The following KCNIP4 variants were observed in gnomAD, a reference collection of about 807,000 sequenced individuals.
The protein encoded by KCNIP4 is Kv channel-interacting protein 4.
In KCNIP4, 12 loss-of-function variants were observed where a neutral mutation model predicts 34.0. The observed-to-expected ratio is 0.35, with a 90% confidence interval of 0.23 to 0.57. KCNIP4 has a LOEUF of 0.57. Among genes scored for constraint, KCNIP4 ranks in the 20% least tolerant of loss-of-function variants. KCNIP4 has a pLI of 0.83. For synonymous variants in KCNIP4, 124 were observed against 102.2 expected (o/e 1.21, Z -1.29); for missense variants, 238 against 311.7 (o/e 0.76, Z 1.78).
At chr4:20,782,090 A>T (rs111804460) in intron 3 of KCNIP4, among the ~76,000 whole-genome samples, 2,302 of 152,286 alleles carry the variant, frequency 0.015, 25 homozygotes, top group Non-Finnish European at 0.021. Flanking sequence ...CTCCAAAATG[A>T]TGTCCTTTTA....
intron 1 of KCNIP4, among the ~76,000 whole-genome samples, chr4:21,684,548 G>T (rs1318997730): frequency 6.6e-6 from 1 of 151,972 alleles, no homozygotes; most frequent in Non-Finnish European, 1.5e-5. Context: ...GTTAATATTG[G>T]CTTGTGAAGT....
At chr4:21,326,590 A>G (rs1715087601) in intron 1 of KCNIP4, among the ~76,000 whole-genome samples, 1 of 150,800 alleles carries the variant, frequency 6.6e-6, no homozygotes, top group African/African-American at 2.4e-5. Context: ...TTTTTAATTC[A>G]GTCGTCTACT....
chr4:21,082,260 T>C (rs1419071941), intron 1 of KCNIP4, among the ~76,000 whole-genome samples: 1 of 151,920 alleles, frequency 6.6e-6, no homozygotes, highest in Non-Finnish European at 1.5e-5. Flanking sequence ...CCACTAAGCA[T>C]ATACAACTCC....
intron 2 of KCNIP4, among the ~76,000 whole-genome samples, chr4:20,882,384 G>T (rs534445553): frequency 6.6e-6 from 1 of 152,080 alleles, no homozygotes; most frequent in Admixed American, 6.6e-5. Flanking sequence ...CCAGTGTTTT[G>T]CAGGACAGGC....
At chr4:21,564,807 A>C (rs908411206) in intron 1 of KCNIP4, among the ~76,000 whole-genome samples, 2 of 151,948 alleles carry the variant, frequency 1.3e-5, no homozygotes, top group African/African-American at 4.8e-5. Flanking sequence ...GAGGTGACGC[A>C]GTGAGAGAGG....
intron 1 of KCNIP4, among the ~76,000 whole-genome samples, chr4:21,734,936 G>C (rs142425679): frequency 1.3e-5 from 2 of 151,798 alleles, no homozygotes; most frequent in African/African-American, 4.8e-5. Flanking sequence ...GAATGACTTC[G>C]CTCCTATAAA....
At chr4:21,806,575 C>T (rs531567661) in intron 1 of KCNIP4, among the ~76,000 whole-genome samples, 9 of 152,144 alleles carry the variant, frequency 5.9e-5, no homozygotes, top group Non-Finnish European at 1.2e-4. Flanking sequence ...TGTAGACTAC[C>T]TGTCACATTT....
Position 21,181,644 on chromosome 4 carries a change from G to A in KCNIP4, c.62-298935C>T, listed in dbSNP as rs547668298. ...TTCATGTAATAGGTAGGGCTAAGTC[G>A]AGTGCATGTGGCAGGCACAAGCAGA... On this transcript the variant is annotated intron_variant, in intron 1 of 8. Transcript: ENST00000382152. Among the ~76,000 whole-genome samples the A allele has an allele frequency of 9.9e-5, 15 of 152,158 alleles. No individual in the cohort carries two copies. In the South Asian group the frequency reaches 1.0e-3, roughly 11 times the overall value.
At chr4:21,484,440 A>T (rs968219351) in intron 1 of KCNIP4, among the ~76,000 whole-genome samples, 2 of 152,086 alleles carry the variant, frequency 1.3e-5, no homozygotes, top group African/African-American at 2.4e-5. Context: ...TAAAAAAAAA[A>T]TTAAAAGATA....
intron 1 of KCNIP4, among the ~76,000 whole-genome samples, chr4:21,589,156 G>GTATA (rs375787939): frequency 2.9e-3 from 208 of 71,160 alleles, no homozygotes; most frequent in Non-Finnish European, 4.4e-3. Flanking sequence ...ATGGAGGTGT[G>GTATA]TATATATATA....
chr4:21,701,394 G>C (rs1157770689), intron 1 of KCNIP4, among the ~76,000 whole-genome samples: 1 of 152,200 alleles, frequency 6.6e-6, no homozygotes, highest in Non-Finnish European at 1.5e-5. Context: ...ATTGTGAAAA[G>C]AGTAGATTTT....
chr4:20,742,797 A>G (rs1404798701), intron 5 of KCNIP4, among the ~76,000 whole-genome samples: 1 of 152,152 alleles, frequency 6.6e-6, no homozygotes, highest in Admixed American at 6.5e-5. Context: ...GGATGACATG[A>G]TTGTATATTT....
rs374409194 is a variant in KCNIP4 at position 20,823,529 on chromosome 4, T to C, written c.288+27014A>G. Among the ~76,000 whole-genome samples the C allele has an allele frequency of 1.4e-4, 21 of 152,184 alleles. 1 individual carries two copies. Among genetic ancestry groups the C allele is most frequent in the African/African-American group, 5.1e-4 (21 of 41,548 alleles). ...TTAGGTCATGAGGGTGTAGCCCTCA[T>C]GAATGGGATTAGTGCAGTTATAAAA... On this transcript the variant is annotated intron_variant, in intron 3 of 8. Transcript: ENST00000382152.
At chr4:21,373,901 C>G (rs1169876949) in intron 1 of KCNIP4, among the ~76,000 whole-genome samples, 2 of 146,410 alleles carry the variant, frequency 1.4e-5, no homozygotes, top group Non-Finnish European at 2.9e-5. Flanking sequence ...GATGGGGTTT[C>G]ACCATATTGG....
intron 1 of KCNIP4, among the ~76,000 whole-genome samples, chr4:21,860,665 TA>T (rs10715165): frequency 0.74 from 110,306 of 149,704 alleles, 44,497 homozygotes; most frequent in East Asian, 0.89. Context: ...CTACTGATAC[TA>T]AAAAAAAAAA....
intron 1 of KCNIP4, among the ~76,000 whole-genome samples, chr4:21,348,167 A>AT (rs982827972): frequency 2.6e-4 from 40 of 152,070 alleles, no homozygotes; most frequent in Non-Finnish European, 3.8e-4. Context: ...TGGTATATCG[A>AT]TTTTTTTCCC....
chr4:21,504,524 C>A (rs1191612034), intron 1 of KCNIP4, among the ~76,000 whole-genome samples: 178 of 136,596 alleles, frequency 1.3e-3, no homozygotes, highest in African/African-American at 4.2e-3. Context: ...AGGAAGAAAG[C>A]AAGCAAGCAA....
chr4:21,082,384 G>A (rs1165355436), intron 1 of KCNIP4, among the ~76,000 whole-genome samples: 2 of 151,732 alleles, frequency 1.3e-5, no homozygotes, highest in Non-Finnish European at 2.9e-5. Flanking sequence ...TTTCTGTAAA[G>A]ACTTTGATGC....
intron 1 of KCNIP4, among the ~76,000 whole-genome samples, chr4:20,951,104 C>T (rs536771790): frequency 3.3e-5 from 5 of 152,218 alleles, no homozygotes; most frequent in African/African-American, 1.2e-4. Context: ...AGAGTGCTCT[C>T]TCTCTCTCTG....
Sources: allele counts gnomAD v4.1 joint callset (sites outside exome capture counted in the v4.1 genomes callset), GRCh38; gene constraint gnomAD v4.1.1; transcripts MANE v1.5; gene names NCBI Gene and HGNC (gene_info 2026-07-23, HGNC 2026-07-21).